Variants in SPOCK3 observed in about 807,000 individuals in gnomAD.
The protein encoded by SPOCK3 is SPARC (osteonectin), cwcv and kazal like domains proteoglycan 3.
SPOCK3 carries 30 observed loss-of-function variants against 56.6 expected under a neutral mutation model. That is an observed-to-expected ratio of 0.53 (90% CI 0.40 to 0.72). The LOEUF (loss-of-function observed/expected upper bound fraction) is 0.72, where lower values mean the gene tolerates loss of function less well. SPOCK3 is among the 30% of genes least tolerant of loss of function. The probability of loss-of-function intolerance (pLI) is 0.00; values close to 1 mark genes in which losing one functional copy is unlikely to be tolerated. For missense variants in SPOCK3, 527 were observed against 530.0 expected (o/e 0.99, Z 0.06); for synonymous variants, 196 against 183.3 (o/e 1.07, Z -0.56).
Position 166,982,072 on chromosome 4 carries a change from C to T in SPOCK3, c.350+18277G>A, listed in dbSNP as rs1467265839. On this transcript the variant is annotated intron_variant, in intron 4 of 10. Coordinates refer to ENST00000357545, the MANE Select transcript of SPOCK3 (RefSeq NM_001040159.2). ...ATCTGGAGCTGCAGTTGGCTGGCTG[C>T]AGCTGTGCCCAGGAGCACAGCGCTC... 2.0e-5 allele frequency among the ~76,000 whole-genome samples: 3 copies of T among 152,176 alleles called. No homozygotes were observed. The East Asian group carries it at 5.8e-4, about 29-fold the overall frequency.
intron 2 of SPOCK3, among the ~76,000 whole-genome samples, chr4:167,130,851 A>C (rs184028104): frequency 6.6e-6 from 1 of 152,330 alleles, no homozygotes; most frequent in Admixed American, 6.5e-5. Context: ...AGATTAAAAT[A>C]TGCTTCAAGA....
chr4:166,829,572 T>C (rs1392763781), intron 6 of SPOCK3, among the ~76,000 whole-genome samples: 4 of 152,102 alleles, frequency 2.6e-5, no homozygotes, highest in Non-Finnish European at 5.9e-5. Context: ...GGAAAGATCT[T>C]TTAACTTACT....
chr4:166,737,973 A>T (rs1334686352), intron 9 of SPOCK3, among the ~76,000 whole-genome samples: 1 of 152,188 alleles, frequency 6.6e-6, no homozygotes, highest in Non-Finnish European at 1.5e-5. Context: ...ATGGCAGAAG[A>T]CCTGCCACCA....
At chr4:166,818,872 A>G (rs1744643954) in intron 6 of SPOCK3, among the ~76,000 whole-genome samples, 1 of 152,202 alleles carries the variant, frequency 6.6e-6, no homozygotes, top group Admixed American at 6.6e-5. Flanking sequence ...TTTATAACTG[A>G]AAGTGACTAA....
intron 2 of SPOCK3, among the ~76,000 whole-genome samples, chr4:167,131,182 A>G (rs542083178): frequency 2.0e-5 from 3 of 152,240 alleles, no homozygotes; most frequent in East Asian, 1.9e-4. Flanking sequence ...TTCATTGTCC[A>G]TAGCTAAAGT....
intron 2 of SPOCK3, among the ~76,000 whole-genome samples, chr4:167,172,453 TA>T (rs1730588025): frequency 6.6e-6 from 1 of 152,180 alleles, no homozygotes; most frequent in Non-Finnish European, 1.5e-5. Flanking sequence ...TTTATGTATA[TA>T]AACTGACAAC....
At chr4:167,217,795 T>C (rs1457309936) in intron 2 of SPOCK3, among the ~76,000 whole-genome samples, 1 of 152,062 alleles carries the variant, frequency 6.6e-6, no homozygotes, top group Non-Finnish European at 1.5e-5. Context: ...CTGAAATACA[T>C]ATTTTCACAT....
intron 6 of SPOCK3, among the ~76,000 whole-genome samples, chr4:166,879,888 A>G (rs1192481999): frequency 6.6e-6 from 1 of 152,008 alleles, no homozygotes; most frequent in Non-Finnish European, 1.5e-5. Flanking sequence ...AAAAGTGTGT[A>G]CCATCTCCCT....
chr4:167,013,486 G>A (rs1007101389), intron 3 of SPOCK3, among the ~76,000 whole-genome samples: 3 of 150,734 alleles, frequency 2.0e-5, no homozygotes, highest in Admixed American at 1.3e-4. Flanking sequence ...CACCATATAT[G>A]TTAAATACAG....
At chr4:166,744,454 C>T (rs764084153) in intron 8 of SPOCK3, among the ~76,000 whole-genome samples, 4 of 152,100 alleles carry the variant, frequency 2.6e-5, no homozygotes, top group Non-Finnish European at 5.9e-5. Context: ...ACAAAAAGGA[C>T]ATCCACACCA....
At chr4:166,964,874 C>A (rs906138466) in intron 4 of SPOCK3, among the ~76,000 whole-genome samples, 1 of 151,564 alleles carries the variant, frequency 6.6e-6, no homozygotes, top group Non-Finnish European at 1.5e-5. Flanking sequence ...TATATATTAA[C>A]TAAAAATAAT....
chr4:166,908,272 T>TCTCACACA (rs373303538), intron 5 of SPOCK3, among the ~76,000 whole-genome samples: 11 of 138,550 alleles, frequency 7.9e-5, no homozygotes, highest in African/African-American at 3.0e-4. Context: ...ATGTTATTGT[T>TCTCACACA]CACACACACA....
intron 6 of SPOCK3, among the ~76,000 whole-genome samples, chr4:166,802,732 T>G (rs1423334056): frequency 6.6e-6 from 1 of 151,992 alleles, no homozygotes; most frequent in Middle Eastern, 3.2e-3. Context: ...GCCTGGTAAA[T>G]GAAGAGGAAC....
intron 2 of SPOCK3, among the ~76,000 whole-genome samples, chr4:167,067,909 T>G (rs891872863): frequency 2.0e-5 from 3 of 151,790 alleles, no homozygotes; most frequent in South Asian, 2.1e-4. Flanking sequence ...TTACATTTTA[T>G]TATGTTAATA....
At chr4:167,215,342 C>T (rs888449001) in intron 2 of SPOCK3, among the ~76,000 whole-genome samples, 6 of 152,066 alleles carry the variant, frequency 3.9e-5, no homozygotes, top group Admixed American at 3.9e-4. Context: ...AGGTACAGAA[C>T]TCTTAAGAAA....
At chr4:166,952,743 T>C (rs1008081352) in intron 4 of SPOCK3, among the ~76,000 whole-genome samples, 7 of 151,986 alleles carry the variant, frequency 4.6e-5, no homozygotes, top group Non-Finnish European at 1.0e-4. Context: ...GAGATATAGA[T>C]TAATGGAACA....
intron 6 of SPOCK3, among the ~76,000 whole-genome samples, chr4:166,842,533 T>A (rs1221380923): frequency 6.6e-6 from 1 of 152,138 alleles, no homozygotes; most frequent in African/African-American, 2.4e-5. Flanking sequence ...AGACACAAGG[T>A]GCTGATTGGT....
At chr4:166,973,209 G>A (rs1191873446) in intron 4 of SPOCK3, among the ~76,000 whole-genome samples, 2 of 152,008 alleles carry the variant, frequency 1.3e-5, no homozygotes, top group Non-Finnish European at 2.9e-5. Context: ...ACTGCCTTGG[G>A]AAGAAGGTGC....
Position 167,209,344 on chromosome 4 carries a change from T to A in SPOCK3, c.189+24641A>T, listed in dbSNP as rs560587514. Among the ~76,000 whole-genome samples, 3 of 152,204 alleles carry A rather than the reference T, an allele frequency of 2.0e-5. No individual in the cohort carries two copies. The South Asian group carries it at 6.2e-4, about 32-fold the overall frequency. On this transcript the variant is annotated intron_variant, in intron 2 of 10. Transcript: ENST00000357545. ...GATTCTTAAACTAGGTTTTGATGGA[T>A]GAGTAGAATTTTTCACTAGTACTAG...
Sources: allele counts gnomAD v4.1 joint callset (sites outside exome capture counted in the v4.1 genomes callset), GRCh38; gene constraint gnomAD v4.1.1; transcripts MANE v1.5; gene names NCBI Gene and HGNC (gene_info 2026-07-23, HGNC 2026-07-21).